Variants in PHEX observed in about 807,000 individuals in gnomAD.
PHEX encodes phosphate-regulating neutral endopeptidase PHEX.
A neutral mutation model predicts 68.0 loss-of-function variants in PHEX; 16 were observed. The observed-to-expected ratio is 0.24, with a 90% CI of 0.16 to 0.36. The LOEUF is 0.36. PHEX is among the 10% of genes least tolerant of loss of function. The pLI is 1.00. For synonymous variants in PHEX, 208 were observed against 205.1 expected, an observed-to-expected ratio of 1.01 and a Z score of -0.12; for missense variants, 480 against 575.5, an observed-to-expected ratio of 0.83 and a Z score of 1.70.
At chrX:22,081,026 T>C (rs1929368822) in intron 5 of PHEX, among the ~76,000 whole-genome samples, 1 of 111,857 alleles carries the variant, frequency 8.9e-6, no homozygotes, top group Non-Finnish European at 1.9e-5. Flanking sequence ...AATGTTTTTC[T>C]TTGACATGTG....
At position 22,249,455 on chromosome X, in the gene PHEX, A is replaced by AAAAAATATAT; in HGVS notation, c.*1503_*1504insAAAATATATA. On this transcript the variant is annotated 3_prime_UTR_variant, in exon 22 of 22. Coordinates refer to ENST00000379374, the MANE Select transcript of PHEX (RefSeq NM_000444.6). ...TTGTGATTCTTTTAAAAAAAAAAAA[A>AAAAAATATAT]ATATATATATATATATATATATATA... 82 of 39,744 alleles carry AAAAAATATAT rather than the reference A, an allele frequency of 2.1e-3. No homozygotes were observed. Among genetic ancestry groups the AAAAAATATAT allele is most frequent in the African/African-American group, 3.5e-3 (21 of 6,013 alleles). The allele number at this position is 39,744 out of a possible 1,213,427, so 3.3% of individuals were successfully genotyped here. A position where few individuals can be genotyped will look rare whatever the true frequency, so the allele number is the denominator to read the frequency against.
chrX:22,038,299 C>T (rs1311856936), intron 1 of PHEX, among the ~76,000 whole-genome samples, 170 bp from the exon 2 acceptor site: 2 of 111,899 alleles, frequency 1.8e-5, no homozygotes, highest in East Asian at 5.6e-4. Context: ...GGTTATTTAG[C>T]TAGCAGCTAG....
chrX:22,126,121 A>ATT (rs1931710020), intron 11 of PHEX, among the ~76,000 whole-genome samples: 1 of 112,238 alleles, frequency 8.9e-6, no homozygotes, highest in South Asian at 3.6e-4. Context: ...ATGAGATATG[A>ATT]AATCATAAAA....
intron 3 of PHEX, among the ~76,000 whole-genome samples, chrX:22,059,961 T>C (rs1037097981): frequency 1.8e-5 from 2 of 111,291 alleles, no homozygotes; most frequent in Non-Finnish European, 3.8e-5. Context: ...GTGAAATTAC[T>C]AAGGCTTGCC....
intron 13 of PHEX, among the ~76,000 whole-genome samples, chrX:22,175,289 G>C (rs1933661117): frequency 9.0e-6 from 1 of 110,647 alleles, no homozygotes; most frequent in Non-Finnish European, 1.9e-5. Context: ...TCAGGGTTCT[G>C]GTAGGTCCTT....
intron 12 of PHEX, among the ~76,000 whole-genome samples, chrX:22,164,137 A>G (rs1326618973): frequency 8.9e-6 from 1 of 111,915 alleles, no homozygotes; most frequent in African/African-American, 3.2e-5. Flanking sequence ...GGAATTGCCT[A>G]TGAGTGCTTC....
intron 11 of PHEX, among the ~76,000 whole-genome samples, chrX:22,123,325 A>G (rs1273572954): frequency 1.8e-5 from 2 of 110,727 alleles, no homozygotes; most frequent in African/African-American, 6.6e-5. Context: ...TCACACAGTA[A>G]GGGGTGTGGA....
chrX:22,099,865 A>G (rs1273767575), intron 9 of PHEX, among the ~76,000 whole-genome samples: 1 of 111,857 alleles, frequency 8.9e-6, no homozygotes, highest in Non-Finnish European at 1.9e-5. Context: ...TTAAAATCAC[A>G]TTTTCTTATT....
chrX:22,039,620 G>A (rs1056218519), intron 2 of PHEX, among the ~76,000 whole-genome samples: 8 of 112,280 alleles, frequency 7.1e-5, no homozygotes, highest in African/African-American at 2.6e-4. Context: ...TTCTACTTAG[G>A]GCATTAGGGT....
intron 12 of PHEX, among the ~76,000 whole-genome samples, chrX:22,167,182 A>G (rs1044815055): frequency 9.1e-6 from 1 of 109,784 alleles, no homozygotes; most frequent in African/African-American, 3.4e-5. Context: ...ACTGCTTTGT[A>G]TGGTAGTTAC....
At chrX:22,034,968 C>A (rs1022013802) in intron 1 of PHEX, among the ~76,000 whole-genome samples, 4 of 110,994 alleles carry the variant, frequency 3.6e-5, no homozygotes, top group African/African-American at 1.3e-4. Context: ...CTCTGCCACC[C>A]ACCTCCACTC....
At chrX:22,121,186 G>A (rs1045695299) in intron 11 of PHEX, among the ~76,000 whole-genome samples, 2 of 112,277 alleles carry the variant, frequency 1.8e-5, no homozygotes, top group African/African-American at 6.5e-5. Context: ...TATTGCAAGA[G>A]GTGTCAAGTC....
At chrX:22,240,145 T>G (rs924706344) in intron 20 of PHEX, among the ~76,000 whole-genome samples, 1 of 111,944 alleles carries the variant, frequency 8.9e-6, no homozygotes, top group African/African-American at 3.3e-5. Flanking sequence ...AAACTAAGCT[T>G]CATAAGCAAA....
At chrX:22,043,861 A>G (rs1041037819) in intron 2 of PHEX, among the ~76,000 whole-genome samples, 2 of 110,941 alleles carry the variant, frequency 1.8e-5, no homozygotes, top group African/African-American at 3.3e-5. Context: ...TTTTATTAAA[A>G]CAAGACTCTG....
intron 15 of PHEX, among the ~76,000 whole-genome samples, chrX:22,196,804 C>T (rs1368791915): frequency 8.9e-6 from 1 of 111,952 alleles, no homozygotes; most frequent in Non-Finnish European, 1.9e-5. Flanking sequence ...TTTTTTTCCC[C>T]TCAGTTTAAT....
At chrX:22,060,154 C>CA (rs34000062) in intron 3 of PHEX, among the ~76,000 whole-genome samples, 23,388 of 69,767 alleles carry the variant, frequency 0.34, 3,093 homozygotes, top group African/African-American at 0.39. Flanking sequence ...AGCCCTGTCT[C>CA]AAAAAAAAAA....
At chrX:22,095,954 A>G (rs1422381468) in intron 7 of PHEX, among the ~76,000 whole-genome samples, 1 of 111,777 alleles carries the variant, frequency 8.9e-6, no homozygotes, top group Non-Finnish European at 1.9e-5. Flanking sequence ...GTGCACAAGG[A>G]GAGGTTTTAT....
chrX:22,086,140 T>G (rs929998438), intron 5 of PHEX, among the ~76,000 whole-genome samples: 3 of 111,900 alleles, frequency 2.7e-5, no homozygotes, highest in African/African-American at 9.7e-5. Flanking sequence ...GGGGAGGTCC[T>G]AAAGAGGATA....
At chrX:22,183,096 C>A (rs900066444) in intron 14 of PHEX, among the ~76,000 whole-genome samples, 7 of 110,383 alleles carry the variant, frequency 6.3e-5, no homozygotes, top group Non-Finnish European at 1.3e-4. Flanking sequence ...TTTCATGGCC[C>A]ACTTTTTAAC....
Sources: gnomAD v4.1 joint callset for allele counts (sites outside exome capture counted in the v4.1 genomes callset) on GRCh38, gnomAD v4.1.1 for gene constraint, MANE v1.5 for transcripts, NCBI Gene and HGNC (gene_info 2026-07-23, HGNC 2026-07-21) for gene names.